The following ABTB3 variants were observed in gnomAD, a reference collection of about 807,000 sequenced individuals.
ABTB3 encodes ankyrin repeat- and BTB/POZ domain-containing protein 3.
At chr12:107,379,368 G>A in the ABTB3 span, among the ~76,000 whole-genome samples, 1 of 152,076 alleles carries the variant, frequency 6.6e-6, no homozygotes, top group Admixed American at 6.6e-5. Context: ...TTGAATCATG[G>A]GGGTGGGTTT....
the ABTB3 span, among the ~76,000 whole-genome samples, chr12:107,613,317 C>T: frequency 6.6e-6 from 1 of 152,142 alleles, no homozygotes; most frequent in Non-Finnish European, 1.5e-5. Context: ...TCCCGCAGAT[C>T]CTCCACGCTC....
At chr12:107,331,890 C>A in the ABTB3 span, among the ~76,000 whole-genome samples, 9 of 152,334 alleles carry the variant, frequency 5.9e-5, no homozygotes, top group African/African-American at 1.2e-4. Context: ...GGGCCTCCCC[C>A]CCGCCCCACC....
the ABTB3 span, among the ~76,000 whole-genome samples, chr12:107,342,698 C>T: frequency 6.6e-6 from 1 of 152,296 alleles, no homozygotes; most frequent in South Asian, 2.1e-4. Context: ...CATCCATTCT[C>T]TCCATGAACC....
chr12:107,463,247 G>C, the ABTB3 span, among the ~76,000 whole-genome samples: 1 of 151,374 alleles, frequency 6.6e-6, no homozygotes, highest in Non-Finnish European at 1.5e-5. Flanking sequence ...GGTAGTGATG[G>C]TGATGATGGT....
the ABTB3 span, among the ~76,000 whole-genome samples, chr12:107,447,555 A>G: frequency 2.0e-5 from 3 of 152,142 alleles, no homozygotes; most frequent in East Asian, 3.9e-4. Context: ...TGGTTGGGAG[A>G]TGCAGGCAGT....
chr12:107,392,546 G>A, the ABTB3 span, among the ~76,000 whole-genome samples: 5 of 152,048 alleles, frequency 3.3e-5, no homozygotes, highest in East Asian at 1.9e-4. Flanking sequence ...GTTCATTCTC[G>A]TCTTTCAGAG....
the ABTB3 span, among the ~76,000 whole-genome samples, chr12:107,640,688 C>A: frequency 8.5e-5 from 13 of 152,228 alleles, no homozygotes; most frequent in Admixed American, 4.6e-4. Flanking sequence ...GTGCAGTGAA[C>A]AACCTGAGAC....
At chr12:107,607,590 G>A in the ABTB3 span, among the ~76,000 whole-genome samples, 1 of 152,176 alleles carries the variant, frequency 6.6e-6, no homozygotes, top group Non-Finnish European at 1.5e-5. Flanking sequence ...TTGGAGGCCT[G>A]GCCTGACGTT....
At chr12:107,527,528 T>A in the ABTB3 span, among the ~76,000 whole-genome samples, 1 of 151,962 alleles carries the variant, frequency 6.6e-6, no homozygotes, top group Non-Finnish European at 1.5e-5. Context: ...CACCTTGGCC[T>A]CCCAAAGTGC....
chr12:107,482,030 G>T, the ABTB3 span, among the ~76,000 whole-genome samples: 1 of 151,948 alleles, frequency 6.6e-6, no homozygotes, highest in Non-Finnish European at 1.5e-5. Context: ...AGGAAGTGAT[G>T]CCCTGAATGA....
the ABTB3 span, among the ~76,000 whole-genome samples, chr12:107,606,246 CT>C: frequency 1.8e-4 from 27 of 152,238 alleles, no homozygotes; most frequent in South Asian, 5.2e-3. Flanking sequence ...TACATCAGGA[CT>C]TGTTGTGATG....
At chr12:107,581,125 G>T in the ABTB3 span, 1 of 1,546,210 alleles carries the variant, frequency 6.5e-7, no homozygotes, top group Non-Finnish European at 8.7e-7. Flanking sequence ...CCTAACGCGC[G>T]TCTCCGGGTC....
chr12:107,370,287 T>C, the ABTB3 span, among the ~76,000 whole-genome samples: 1 of 152,224 alleles, frequency 6.6e-6, no homozygotes, highest in South Asian at 2.1e-4. Flanking sequence ...TGGTGGCCCA[T>C]GTCGGTTCGT....
the ABTB3 span, among the ~76,000 whole-genome samples, chr12:107,481,070 G>A: frequency 2.2e-4 from 33 of 152,306 alleles, no homozygotes; most frequent in East Asian, 5.8e-3. Context: ...GCAATGTCTA[G>A]AGACAATTCT....
the ABTB3 span, among the ~76,000 whole-genome samples, chr12:107,469,055 G>C: frequency 6.6e-6 from 1 of 152,166 alleles, no homozygotes; most frequent in African/African-American, 2.4e-5. Context: ...CTTGTTGATG[G>C]GTGAGGGCTG....
the ABTB3 span, among the ~76,000 whole-genome samples, chr12:107,525,345 AAAAAAG>A: frequency 4.6e-5 from 7 of 151,140 alleles, no homozygotes; most frequent in Admixed American, 3.3e-4. Context: ...AAAAAAAAAA[AAAAAAG>A]AAAGAAAGAA....
At chr12:107,370,279 G>A in the ABTB3 span, among the ~76,000 whole-genome samples, 196 of 152,244 alleles carry the variant, frequency 1.3e-3, 2 homozygotes, top group Non-Finnish European at 2.3e-3. Flanking sequence ...TATCCCCATG[G>A]TGGCCCATGT....
At chr12:107,429,287 G>A in the ABTB3 span, among the ~76,000 whole-genome samples, 14 of 152,230 alleles carry the variant, frequency 9.2e-5, no homozygotes, top group African/African-American at 2.9e-4. Context: ...AGCTGTCCCA[G>A]GGCTTGCATA....
At chr12:107,596,991 T>G in the ABTB3 span, among the ~76,000 whole-genome samples, 1 of 152,352 alleles carries the variant, frequency 6.6e-6, no homozygotes, top group East Asian at 1.9e-4. Flanking sequence ...AGCAGACACC[T>G]GCAACCCTGG....
Sources: allele counts gnomAD v4.1 joint callset (sites outside exome capture counted in the v4.1 genomes callset), GRCh38; gene constraint gnomAD v4.1.1; transcripts MANE v1.5; gene names NCBI Gene and HGNC (gene_info 2026-07-23, HGNC 2026-07-21).